DENND1A: variants seen among roughly 807,000 people sequenced by gnomAD.
The protein encoded by DENND1A is DENN domain containing 1A.
Under a neutral mutation model 113.7 loss-of-function variants are expected in DENND1A, and 51 were observed. The observed-to-expected ratio is 0.45, with a 90% CI of 0.36 to 0.57. The LOEUF (loss-of-function observed/expected upper bound fraction) is 0.57. Ranked by LOEUF, DENND1A falls within the 20% of genes least tolerant of loss-of-function variation. The pLI, the probability that DENND1A is intolerant of heterozygous loss-of-function variation, is 0.00. For missense variants in DENND1A, 1,258 were observed against 1,395.9 expected, an observed-to-expected ratio of 0.90 and a Z score of 1.57; for synonymous variants, 565 against 570.8, an observed-to-expected ratio of 0.99 and a Z score of 0.14.
intron 20 of DENND1A, among the ~76,000 whole-genome samples, chr9:123,404,059 C>T (rs1200766241): frequency 6.6e-6 from 1 of 152,224 alleles, no homozygotes; most frequent in African/African-American, 2.4e-5. Context: ...GTCCTCCCAG[C>T]AGGGTTCAGC....
chr9:123,832,758 T>G (rs541983724), intron 2 of DENND1A, among the ~76,000 whole-genome samples: 1 of 152,100 alleles, frequency 6.6e-6, no homozygotes, highest in Non-Finnish European at 1.5e-5. Flanking sequence ...AAGTAAAATA[T>G]TAAATACACT....
intron 3 of DENND1A, among the ~76,000 whole-genome samples, chr9:123,780,340 A>G (rs955328802): frequency 2.6e-5 from 4 of 152,190 alleles, no homozygotes; most frequent in Non-Finnish European, 4.4e-5. Context: ...TGGGGGTTAC[A>G]CTCATTACCA....
At chr9:123,600,035 C>T (rs1402041334) in intron 11 of DENND1A, among the ~76,000 whole-genome samples, 1 of 152,170 alleles carries the variant, frequency 6.6e-6, no homozygotes. Context: ...CACTGCTGGT[C>T]TCTGAGCTCC....
At chr9:123,469,933 G>A (rs754462657) in intron 13 of DENND1A, among the ~76,000 whole-genome samples, 50 of 152,330 alleles carry the variant, frequency 3.3e-4, no homozygotes, top group Non-Finnish European at 4.4e-5. Flanking sequence ...GGCTCATGCA[G>A]CACAATATTA....
chr9:123,911,115 G>A (rs1306133460), intron 1 of DENND1A, among the ~76,000 whole-genome samples: 2 of 152,130 alleles, frequency 1.3e-5, no homozygotes, highest in Non-Finnish European at 2.9e-5. Context: ...GAAAAGACCT[G>A]AATAGGTACC....
chr9:123,850,275 C>A (rs1040819245), intron 2 of DENND1A, among the ~76,000 whole-genome samples: 1 of 152,176 alleles, frequency 6.6e-6, no homozygotes, highest in Non-Finnish European at 1.5e-5. Context: ...GCCATCCCAG[C>A]CTTCAGCAGC....
chr9:123,831,500 T>G (rs80295215), intron 2 of DENND1A, among the ~76,000 whole-genome samples: 5,435 of 152,218 alleles, frequency 0.036, 103 homozygotes, highest in Middle Eastern at 0.048. Flanking sequence ...AAAAAACTTT[T>G]AACAATAACA....
intron 2 of DENND1A, among the ~76,000 whole-genome samples, chr9:123,826,092 C>T (rs572378499): frequency 6.6e-6 from 1 of 152,256 alleles, no homozygotes; most frequent in East Asian, 1.9e-4. Context: ...TTCTCAGTCC[C>T]CTGAGATTTC....
chr9:123,651,703 A>C (rs1351412609), intron 9 of DENND1A, among the ~76,000 whole-genome samples: 1 of 152,258 alleles, frequency 6.6e-6, no homozygotes, highest in African/African-American at 2.4e-5. Context: ...AAATAATGAC[A>C]CACCCGTATC....
At chr9:123,454,004 C>T (rs892661189) in intron 16 of DENND1A, among the ~76,000 whole-genome samples, 4 of 152,236 alleles carry the variant, frequency 2.6e-5, no homozygotes. Flanking sequence ...ATTGCTTACT[C>T]TCCGCCAACT....
intron 5 of DENND1A, among the ~76,000 whole-genome samples, chr9:123,716,669 A>G (rs2066995247): frequency 6.6e-6 from 1 of 152,254 alleles, no homozygotes; most frequent in South Asian, 2.1e-4. Context: ...AAGCTTGCAA[A>G]AAGTACAAAC....
At chr9:123,903,419 A>G (rs575306951) in intron 1 of DENND1A, among the ~76,000 whole-genome samples, 5,649 of 151,314 alleles carry the variant, frequency 0.037, 111 homozygotes, top group Middle Eastern at 0.048. Flanking sequence ...CAGCGTGAGC[A>G]ACACAGAAGA....
intron 13 of DENND1A, among the ~76,000 whole-genome samples, chr9:123,468,153 T>C (rs2049109335): frequency 6.6e-6 from 1 of 152,146 alleles, no homozygotes; most frequent in Non-Finnish European, 1.5e-5. Context: ...CTCTCAGCTC[T>C]GCTCCTTGCT....
At chr9:123,532,605 G>C (rs2055411401) in intron 13 of DENND1A, among the ~76,000 whole-genome samples, 1 of 152,150 alleles carries the variant, frequency 6.6e-6, no homozygotes, top group Non-Finnish European at 1.5e-5. Flanking sequence ...ATGAAGGTAG[G>C]CTCTATGTCT....
chr9:123,901,210 G>C (rs2133885401), intron 1 of DENND1A, among the ~76,000 whole-genome samples: 1 of 152,274 alleles, frequency 6.6e-6, no homozygotes, highest in South Asian at 2.1e-4. Flanking sequence ...GAGTCAAAGT[G>C]GTAGAAAGAG....
chr9:123,453,582 T>A (rs920769068), intron 16 of DENND1A, among the ~76,000 whole-genome samples: 3 of 152,160 alleles, frequency 2.0e-5, no homozygotes, highest in African/African-American at 7.2e-5. Context: ...AGAGCGTTTT[T>A]AATCAAATTC....
At chr9:123,416,485 G>A (rs139371279) in intron 19 of DENND1A, among the ~76,000 whole-genome samples, 3 of 152,222 alleles carry the variant, frequency 2.0e-5, no homozygotes, top group African/African-American at 7.2e-5. Flanking sequence ...GCAGAGAATC[G>A]AAGCAGTCTG....
chr9:123,498,557 T>C (rs2808398), intron 13 of DENND1A, among the ~76,000 whole-genome samples: 86,451 of 152,100 alleles, frequency 0.57, 26,821 homozygotes, highest in East Asian at 0.72. Context: ...TTTTTTCTTA[T>C]GAAAAGAGTT....
intron 13 of DENND1A, among the ~76,000 whole-genome samples, chr9:123,476,355 G>A (rs2049913685): frequency 6.6e-6 from 1 of 152,158 alleles, no homozygotes. Context: ...TGGGCTGACT[G>A]ATCTTGGGCA....
Sources: allele counts gnomAD v4.1 joint callset (sites outside exome capture counted in the v4.1 genomes callset), GRCh38; gene constraint gnomAD v4.1.1; transcripts MANE v1.5; gene names NCBI Gene and HGNC (gene_info 2026-07-23, HGNC 2026-07-21).